Variants in KIF11 observed in about 807,000 individuals in gnomAD.
KIF11 encodes kinesin-like protein KIF11.
A neutral mutation model predicts 121.0 loss-of-function variants in KIF11; 9 were observed. The ratio of observed to expected loss-of-function variants is 0.07; its 90% confidence interval spans 0.04 to 0.13. KIF11 has a LOEUF of 0.13. Among genes scored for constraint, KIF11 ranks in the 10% least tolerant of loss-of-function variants. The pLI, the probability that KIF11 is intolerant of heterozygous loss-of-function variation, is 1.00. For synonymous variants in KIF11, 408 were observed against 421.0 expected, an observed-to-expected ratio of 0.97 and a Z score of 0.38; for missense variants, 846 against 1,217.5, an observed-to-expected ratio of 0.69 and a Z score of 4.54.
intron 10 of KIF11, among the ~76,000 whole-genome samples, chr10:92,626,565 C>T (rs1206695182): frequency 6.6e-6 from 1 of 152,086 alleles, no homozygotes; most frequent in Non-Finnish European, 1.5e-5. Context: ...AGAGAAGAAT[C>T]ACAAAAACTA....
intron 9 of KIF11, among the ~76,000 whole-genome samples, chr10:92,618,897 A>G (rs1349375176): frequency 1.3e-5 from 2 of 151,956 alleles, no homozygotes; most frequent in African/African-American, 4.8e-5. Context: ...TTTTGTAACC[A>G]CTTTTCTTCC....
intron 3 of KIF11, 140 bp from the exon 4 acceptor site, chr10:92,607,019 C>T (rs1012080371): frequency 3.4e-5 from 21 of 613,440 alleles, no homozygotes; most frequent in South Asian, 1.2e-4. Context: ...TCAGGTGATC[C>T]GCCCACCTCG....
At chr10:92,594,362 G>A (rs926872197) in intron 1 of KIF11, among the ~76,000 whole-genome samples, 10 of 152,166 alleles carry the variant, frequency 6.6e-5, no homozygotes, top group Non-Finnish European at 1.2e-4. Context: ...TGATGACTAG[G>A]TTTCTAAACA....
At chr10:92,631,347 G>A (rs1156511893) in intron 12 of KIF11, among the ~76,000 whole-genome samples, 1 of 148,098 alleles carries the variant, frequency 6.8e-6, no homozygotes, top group Non-Finnish European at 1.5e-5. Flanking sequence ...GATGTTGAAA[G>A]TATTTAATTT....
intron 17 of KIF11, among the ~76,000 whole-genome samples, chr10:92,642,934 CAG>C (rs1390111671): frequency 6.6e-6 from 1 of 152,180 alleles, no homozygotes; most frequent in Non-Finnish European, 1.5e-5. Flanking sequence ...TTATTTGAGA[CAG>C]AGTCTTGCTC....
chr10:92,604,236 C>CT (rs1347644986), intron 1 of KIF11, among the ~76,000 whole-genome samples: 1 of 152,102 alleles, frequency 6.6e-6, no homozygotes, highest in Non-Finnish European at 1.5e-5. Flanking sequence ...TAAAGCTTCT[C>CT]TGAGAATTTT....
chr10:92,634,200 G>T (rs372746596), intron 14 of KIF11, among the ~76,000 whole-genome samples: 2 of 152,132 alleles, frequency 1.3e-5, no homozygotes, highest in African/African-American at 4.8e-5. Context: ...AGCCAGGATG[G>T]TCTTGATCTC....
Position 92,613,470 on chromosome 10 carries a change from T to C in KIF11, c.883T>C (p.Leu295=). Residue 295 remains leucine, a synonymous_variant, in exon 8 of 22, where the codon TTG becomes CTG. Coordinates refer to ENST00000260731, the MANE Select transcript of KIF11 (RefSeq NM_004523.4). The surrounding 1 kb of genome is among the most constrained non-coding windows in gnomAD (Gnocchi z 4.2). ...AGNINQSLLT[L]GRVITALVER... is the part of the protein sequence containing the mutation. Reference sequence around the variant, plus strand: ...AAATATAAATCAATCCCTGTTGACTTTGGGAAGGGTCATTACTGCCCTTGT... The same window carrying C: ...AAATATAAATCAATCCCTGTTGACTCTGGGAAGGGTCATTACTGCCCTTGT... The C allele has an allele frequency of 2.5e-6, 4 of 1,612,744 alleles. No individual in the cohort carries two copies. The highest frequency in any genetic ancestry group is 3.4e-6 in the Non-Finnish European group (4 of 1,178,888).
chr10:92,628,942 G>T, intron 11 of KIF11, 47 bp downstream of exon 11: 2 of 1,029,154 alleles, frequency 1.9e-6, no homozygotes, highest in South Asian at 1.5e-5. Flanking sequence ...AGCAAATATT[G>T]AAAGAAAATT....
At chr10:92,620,950 C>T (rs1279947414) in intron 9 of KIF11, among the ~76,000 whole-genome samples, 1 of 152,232 alleles carries the variant, frequency 6.6e-6, no homozygotes, top group Non-Finnish European at 1.5e-5. Flanking sequence ...TAAGGGGTTA[C>T]ATCTTCAAGT....
At chr10:92,610,360 A>G (rs1589592460) in intron 6 of KIF11, among the ~76,000 whole-genome samples, 1 of 152,194 alleles carries the variant, frequency 6.6e-6, no homozygotes, top group East Asian at 1.9e-4. Context: ...TCTTTTACCG[A>G]AATATAAAAT....
intron 5 of KIF11, 62 bp from the exon 6 acceptor site, chr10:92,609,303 AGTGTGTGTGTGTGTGTGTGT>A (rs368696835): frequency 2.6e-6 from 1 of 379,618 alleles, no homozygotes. Flanking sequence ...AGAGAGAGAG[AGTGTGTGTGTGTGTGTGTGT>A]GTGTGTGTGT....
chr10:92,597,122 T>C (rs1844305089), intron 1 of KIF11: 1 of 292,874 alleles, frequency 3.4e-6, no homozygotes, highest in Non-Finnish European at 6.9e-6. Context: ...TTTCTTCTGC[T>C]TTGGCCCTTT....
chr10:92,612,273 C>A (rs961509171), intron 6 of KIF11, among the ~76,000 whole-genome samples: 18 of 151,944 alleles, frequency 1.2e-4, no homozygotes, highest in African/African-American at 4.1e-4. Flanking sequence ...GTAGCTGGAA[C>A]TGTAGGAGCG....
At chr10:92,601,686 C>T (rs1844374523) in intron 1 of KIF11, among the ~76,000 whole-genome samples, 1 of 151,432 alleles carries the variant, frequency 6.6e-6, no homozygotes, top group Admixed American at 6.6e-5. Flanking sequence ...CACACTACTA[C>T]ACCCAGCTAA....
At chr10:92,643,948 C>T (rs570188385) in intron 17 of KIF11, among the ~76,000 whole-genome samples, 9 of 152,266 alleles carry the variant, frequency 5.9e-5, no homozygotes, top group Non-Finnish European at 1.2e-4. Context: ...TTAAGTATAG[C>T]ATGTTCCATT....
intron 14 of KIF11, among the ~76,000 whole-genome samples, 194 bp downstream of exon 14, chr10:92,633,989 TTTTG>T (rs1484601915): frequency 1.3e-5 from 2 of 152,118 alleles, no homozygotes; most frequent in Non-Finnish European, 2.9e-5. Flanking sequence ...TTTTGTTTTG[TTTTG>T]TTTGTTTGTT....
Position 92,606,627 on chromosome 10 carries a change from A to G in KIF11, c.219A>G (p.Gly73=). The change falls in exon 3 of 22, where the codon GGA becomes GGG. Residue 73 remains glycine (G), a synonymous_variant. Coordinates refer to ENST00000260731, the MANE Select transcript of KIF11 (RefSeq NM_004523.4). ...RKTYTFDMVF[G]ASTKQIDVYR... is the part of the protein sequence containing the mutation. ...TTAATTTTTTTCGTTAGGTGTTTGGAGCATCTACTAAACAGATTGATGTTT... is the reference window on the plus strand; with the variant it reads ...TTAATTTTTTTCGTTAGGTGTTTGGGGCATCTACTAAACAGATTGATGTTT... The G allele has an allele frequency of 6.4e-7, 1 of 1,550,570 alleles. No individual in the cohort carries two copies. The highest frequency in any genetic ancestry group is 8.8e-7 in the Non-Finnish European group (1 of 1,131,928).
At position 92,649,990 on chromosome 10, in the gene KIF11, A is replaced by C. The variant is rs775858823; in HGVS notation, c.2922+4A>C. On this transcript the variant is annotated splice_donor_region_variant and intron_variant, in intron 20 of 21. Coordinates refer to ENST00000260731, the MANE Select transcript of KIF11 (RefSeq NM_004523.4). Reference sequence around the variant, plus strand: ...CAACAAAGAAGAGACAATTCCGGTAAATTTAAAGGATCATATTTTATAATA... The same window carrying C: ...CAACAAAGAAGAGACAATTCCGGTACATTTAAAGGATCATATTTTATAATA... The C allele has an allele frequency of 1.3e-5, 21 of 1,599,948 alleles. No individual in the cohort carries two copies. In the African/African-American group the frequency reaches 1.6e-4, roughly 12 times the overall value.
Sources: gnomAD v4.1 joint callset for allele counts (sites outside exome capture counted in the v4.1 genomes callset) on GRCh38, gnomAD v4.1.1 for gene constraint, Gnocchi (gnomAD v3.1) non-coding constraint, MANE v1.5 for transcripts, NCBI Gene and HGNC (gene_info 2026-07-23, HGNC 2026-07-21) for gene names.